MTM1: variants seen among roughly 807,000 people sequenced by gnomAD.
MTM1 encodes the protein myotubularin.
A neutral mutation model predicts 52.1 loss-of-function variants in MTM1; 9 were observed. The observed-to-expected ratio is 0.17, with a 90% CI of 0.10 to 0.30. MTM1 has a LOEUF of 0.30. Among genes scored for constraint, MTM1 ranks in the 10% least tolerant of loss-of-function variants. MTM1 has a pLI of 1.00. For synonymous variants in MTM1, 136 were observed against 163.8 expected, an observed-to-expected ratio of 0.83 and a Z score of 1.29; for missense variants, 277 against 470.7, an observed-to-expected ratio of 0.59 and a Z score of 3.81.
intron 6 of MTM1, among the ~76,000 whole-genome samples, chrX:150,630,449 C>A (rs1156440335): frequency 1.8e-5 from 2 of 111,553 alleles, no homozygotes; most frequent in Non-Finnish European, 3.8e-5. Context: ...ATCTTTTAAT[C>A]TTTTTCAATC....
chrX:150,647,136 AT>A (rs1679843114), intron 9 of MTM1, among the ~76,000 whole-genome samples: 1 of 104,061 alleles, frequency 9.6e-6, no homozygotes, highest in Non-Finnish European at 1.9e-5. Context: ...ATCTTCTTGG[AT>A]TGTCCTTAAT....
intron 8 of MTM1, 22 bp downstream of exon 8, chrX:150,641,440 T>G (rs199735025): frequency 5.0e-6 from 6 of 1,207,157 alleles, no homozygotes; most frequent in Middle Eastern, 2.3e-4. Flanking sequence ...AATTAACGTT[T>G]CTCTTGAAGA....
At chrX:150,571,551 A>T (rs1413312175) in intron 1 of MTM1, among the ~76,000 whole-genome samples, 2 of 112,789 alleles carry the variant, frequency 1.8e-5, no homozygotes, top group South Asian at 7.2e-4. Context: ...AGTGTCTTGC[A>T]TGTAGTAGAC....
At chrX:150,568,443 C>T (rs1372806271), upstream of MTM1, among the ~76,000 whole-genome samples, 1 of 113,587 alleles carries the variant, frequency 8.8e-6, no homozygotes, top group Non-Finnish European at 1.9e-5. Flanking sequence ...GCCTCTCGGG[C>T]GAAGAGCCCC....
chrX:150,582,770 A>G lies in MTM1; in HGVS notation c.-10-9835A>G, dbSNP rs782689822. 1.2e-4 allele frequency among the ~76,000 whole-genome samples: 13 copies of G among 110,049 alleles called. No individual in the cohort carries two copies. The East Asian group carries it at 3.4e-3, about 29-fold the overall frequency. ...TTCTCCCCTAGAGGCTCCAGATGGC[A>G]CATGGCCTAGCTGACACCTTGATTT... On this transcript the variant is annotated intron_variant, in intron 1 of 14. Transcript: ENST00000370396.
chrX:150,603,065 T>C (rs782532148), intron 4 of MTM1, among the ~76,000 whole-genome samples: 1 of 112,121 alleles, frequency 8.9e-6, no homozygotes, highest in South Asian at 3.7e-4. Flanking sequence ...ATAGAGGAGA[T>C]GATACTTGAA....
intron 1 of MTM1, among the ~76,000 whole-genome samples, chrX:150,572,689 C>T (rs1197160117): frequency 8.9e-6 from 1 of 112,173 alleles, no homozygotes; most frequent in African/African-American, 3.2e-5. Context: ...GACCTGACCG[C>T]AGCTCCTGAG....
chrX:150,584,027 T>A (rs956612227), intron 1 of MTM1, among the ~76,000 whole-genome samples: 1 of 92,923 alleles, frequency 1.1e-5, no homozygotes, highest in Admixed American at 1.4e-4. Context: ...ATACCTGATC[T>A]GGCAGCAAAT....
intron 14 of MTM1, 151 bp from the exon 15 acceptor site, chrX:150,671,277 A>G (rs900466488): frequency 2.3e-5 from 14 of 602,152 alleles, no homozygotes; most frequent in African/African-American, 6.7e-5. Flanking sequence ...GTATGTGTCA[A>G]TGAGGCAGTA....
intron 4 of MTM1, among the ~76,000 whole-genome samples, chrX:150,609,088 A>G (rs2039227546): frequency 9.0e-6 from 1 of 111,092 alleles, no homozygotes; most frequent in Non-Finnish European, 1.9e-5. Context: ...CGGCCTCCCA[A>G]AGTGCTGGTA....
At chrX:150,654,385 A>G (rs2040077109) in intron 10 of MTM1, among the ~76,000 whole-genome samples, 1 of 110,759 alleles carries the variant, frequency 9.0e-6, no homozygotes, top group Non-Finnish European at 1.9e-5. Context: ...TTGCTTCTCA[A>G]CAGCCCTTTC....
At chrX:150,582,033 TATTA>T (rs1941642409) in intron 1 of MTM1, among the ~76,000 whole-genome samples, 1 of 112,029 alleles carries the variant, frequency 8.9e-6, no homozygotes, top group Admixed American at 9.5e-5. Flanking sequence ...TTTTTATACA[TATTA>T]ATTATCTTTA....
intron 3 of MTM1, 30 bp downstream of exon 3, chrX:150,596,600 A>G: frequency 8.7e-7 from 1 of 1,152,292 alleles, no homozygotes; most frequent in Non-Finnish European, 1.2e-6. Flanking sequence ...AGATTTGCAT[A>G]ACTTGAGGAG....
rs1351216726 is a variant in MTM1 at position 150,652,638 on chromosome X, T to C, written c.1053+2737T>C. ...ATACATATATATACATATATATACG[T>C]GTGTGTGTGTATATATATATACACA... On this transcript the variant is annotated intron_variant, in intron 10 of 14. Transcript: ENST00000370396. 7.5e-5 allele frequency among the ~76,000 whole-genome samples: 5 copies of C among 66,504 alleles called. 1 individual carries two copies. Among genetic ancestry groups the C allele is most frequent in the Non-Finnish European group, 1.4e-4 (5 of 35,075 alleles). 57.8% of individuals were successfully genotyped at this position (66,504 alleles called of 115,157 possible).
rs59931479 is a variant in MTM1 at position 150,647,194 on chromosome X, AAT to A, written c.867+1349_867+1350del. Among the ~76,000 whole-genome samples, 45 of 83,836 alleles carry A rather than the reference AAT, an allele frequency of 5.4e-4. 1 individual carries two copies. The highest frequency in any genetic ancestry group is 1.8e-3 in the African/African-American group (31 of 17,541). 72.8% of individuals were successfully genotyped at this position (83,836 alleles called of 115,157 possible). ...TATCTTTCATATATATTTCAGGGTGAATATATATATATATATATATATATATA... is the reference window on the plus strand; with the variant it reads ...TATCTTTCATATATATTTCAGGGTGAATATATATATATATATATATATATA... On this transcript the variant is annotated intron_variant, in intron 9 of 14. Coordinates refer to ENST00000370396, the MANE Select transcript of MTM1 (RefSeq NM_000252.3).
At chrX:150,610,794 G>T (rs1444975247) in intron 4 of MTM1, among the ~76,000 whole-genome samples, 5 of 111,977 alleles carry the variant, frequency 4.5e-5, no homozygotes, top group African/African-American at 1.6e-4. Context: ...AGTTTCCTCT[G>T]TACAGAGACA....
chrX:150,671,713 A>G lies in MTM1; in HGVS notation c.*118A>G. 1.3e-6 allele frequency: 1 copy of G among 789,539 alleles called. No homozygotes were observed. Among genetic ancestry groups the G allele is most frequent in the Non-Finnish European group, 1.9e-6 (1 of 540,147 alleles). 65.1% of individuals were successfully genotyped at this position (789,539 alleles called of 1,213,427 possible). A position where few individuals can be genotyped will look rare whatever the true frequency, so the allele number is the denominator to read the frequency against. On this transcript the variant is annotated 3_prime_UTR_variant, in exon 15 of 15. Transcript: ENST00000370396. ...CTCCATGTAGAACTTGAACTAACAT[A>G]ATCTTAAACTCTTGAATATGTGCCT...
rs1557413858 is a variant in MTM1, at chrX:150,641,433, T to G, written c.678+15T>G. On this transcript the variant is annotated intron_variant, in intron 8 of 14. Transcript: ENST00000370396. ...ATCGAATTCCAGTGAGTACTGCAAT[T>G]AACGTTTCTCTTGAAGAGCACCTTT... 1 of 1,209,414 alleles carries G rather than the reference T, an allele frequency of 8.3e-7. No individual in the cohort carries two copies. Among genetic ancestry groups the G allele is most frequent in the Non-Finnish European group, 1.1e-6 (1 of 893,533 alleles).
At chrX:150,575,980 C>T (rs782643822) in intron 1 of MTM1, among the ~76,000 whole-genome samples, 8 of 110,793 alleles carry the variant, frequency 7.2e-5, no homozygotes, top group African/African-American at 2.6e-4. Context: ...CTGTGTTTTC[C>T]CTCCTTGAAC....
Sources: allele counts gnomAD v4.1 joint callset (sites outside exome capture counted in the v4.1 genomes callset), GRCh38; gene constraint gnomAD v4.1.1; transcripts MANE v1.5; gene names NCBI Gene and HGNC (gene_info 2026-07-23, HGNC 2026-07-21).